The following STAM2 variants were observed in gnomAD, a reference collection of about 807,000 sequenced individuals.
The protein encoded by STAM2 is signal transducing adaptor molecule 2.
A neutral mutation model predicts 65.6 loss-of-function variants in STAM2; 51 were observed. The observed-to-expected ratio is 0.78, with a 90% confidence interval of 0.62 to 0.98. The LOEUF (loss-of-function observed/expected upper bound fraction) is 0.98. Among genes scored for constraint, STAM2 ranks in the 50% least tolerant of loss-of-function variants. STAM2 has a pLI of 0.00. For synonymous variants in STAM2, 198 were observed against 208.4 expected, an observed-to-expected ratio of 0.95 and a Z score of 0.43; for missense variants, 584 against 617.8, an observed-to-expected ratio of 0.95 and a Z score of 0.58.
chr2:152,134,648 C>T (rs933278290), intron 8 of STAM2, among the ~76,000 whole-genome samples: 1 of 152,176 alleles, frequency 6.6e-6, no homozygotes, highest in African/African-American at 2.4e-5. Context: ...AGAATCCTGG[C>T]TCAATCACTT....
chr2:152,133,075 AC>A, intron 10 of STAM2, 97 bp downstream of exon 10: 1 of 486,216 alleles, frequency 2.1e-6, no homozygotes, highest in Non-Finnish European at 3.1e-6. Flanking sequence ...GAGATTTCTA[AC>A]CTCTAGAGGC....
At position 152,138,890 on chromosome 2, in the gene STAM2, G is replaced by A. The variant is rs146265511; in HGVS notation, c.705-3287C>T. On this transcript the variant is annotated intron_variant, in intron 7 of 13. Transcript: ENST00000263904. ...ACCCAAACCTGTGAAATGGATGCAA[G>A]CGTTTTATATGAACCTACCAACAAC... 3.6e-3 allele frequency among the ~76,000 whole-genome samples: 552 copies of A among 152,286 alleles called. 4 individuals are homozygous for A. Among genetic ancestry groups the A allele is most frequent in the Middle Eastern group, 6.8e-3 (2 of 294 alleles).
intron 12 of STAM2, among the ~76,000 whole-genome samples, chr2:152,125,393 C>T (rs548298008): frequency 6.6e-6 from 1 of 152,304 alleles, no homozygotes; most frequent in African/African-American, 2.4e-5. Flanking sequence ...CACCCACATT[C>T]TACCCTTTCT....
chr2:152,148,015 A>C lies in STAM2; in HGVS notation c.300+9T>G. On this transcript the variant is annotated intron_variant, in intron 4 of 13. Transcript: ENST00000263904. ...AATGACTTAAAGTTCTTCTGTTTTT[A>C]AAATTTACCTTATTTTTAATCACAG... 6.3e-7 allele frequency: 1 copy of C among 1,591,778 alleles called. No homozygotes were observed. The highest frequency in any genetic ancestry group is 8.6e-7 in the Non-Finnish European group (1 of 1,168,022).
intron 1 of STAM2, among the ~76,000 whole-genome samples, chr2:152,159,822 C>G (rs1689626831): frequency 6.6e-6 from 1 of 152,244 alleles, no homozygotes; most frequent in Non-Finnish European, 1.5e-5. Context: ...TCACTGCAAC[C>G]TCCCTGCCTC....
chr2:152,125,938 C>T (rs879522223), intron 12 of STAM2: 2 of 227,976 alleles, frequency 8.8e-6, no homozygotes, highest in Non-Finnish European at 1.7e-5. Context: ...AAGATTTATG[C>T]TTTATACTTA....
rs753061712 is a variant in STAM2 at position 152,117,846 on chromosome 2, G to A, written c.*2728C>T. ...CAAAACATACAGTAAAATGTATTAC[G>A]TAGACAAGTATCAATTATTTCAAAC... On this transcript the variant is annotated 3_prime_UTR_variant, in exon 14 of 14. Transcript: ENST00000263904. The A allele has an allele frequency of 3.5e-4, 53 of 152,106 alleles. No homozygotes were observed. The highest frequency in any genetic ancestry group is 1.1e-3 in the African/African-American group (45 of 41,510). 9.4% of individuals were successfully genotyped at this position (152,106 alleles called of 1,614,324 possible).
At chr2:152,153,885 T>C (rs7420568) in intron 1 of STAM2, among the ~76,000 whole-genome samples, 37 of 144,956 alleles carry the variant, frequency 2.6e-4, no homozygotes, top group African/African-American at 4.1e-4. Flanking sequence ...AGACATTACA[T>C]ACACACACAC....
chr2:152,117,695 ACTCAGGGGC>A lies in STAM2; in HGVS notation c.*2870_*2878del, dbSNP rs1688773644. 2 of 152,146 alleles carry A rather than the reference ACTCAGGGGC, an allele frequency of 1.3e-5. No individual in the cohort carries two copies. 9.4% of individuals were successfully genotyped at this position (152,146 alleles called of 1,614,324 possible). ...GCAATTCAATAAGCCCTCTCCTAGA[ACTCAGGGGC>A]TTTTAAATTTATGTTTTTACTAAGA... is the stretch of plus-strand genomic sequence containing the variant. On this transcript the variant is annotated 3_prime_UTR_variant, in exon 14 of 14. Coordinates refer to ENST00000263904, the MANE Select transcript of STAM2 (RefSeq NM_005843.6).
At chr2:152,141,317 C>A (rs542806253) in intron 7 of STAM2, among the ~76,000 whole-genome samples, 380 of 152,046 alleles carry the variant, frequency 2.5e-3, no homozygotes, top group Non-Finnish European at 4.5e-3. Flanking sequence ...GGGCAGATTA[C>A]CTGAGGTCAG....
intron 1 of STAM2, among the ~76,000 whole-genome samples, chr2:152,150,543 C>T (rs1689424153): frequency 6.6e-6 from 1 of 152,224 alleles, no homozygotes. Flanking sequence ...TGGCTCATGC[C>T]TGTAATCCCA....
intron 1 of STAM2, among the ~76,000 whole-genome samples, chr2:152,173,628 C>G (rs977405872): frequency 3.9e-5 from 6 of 152,032 alleles, no homozygotes; most frequent in African/African-American, 1.4e-4. Flanking sequence ...AACTCCCGAC[C>G]TCCAGTGATT....
chr2:152,151,269 C>G (rs1317923096), intron 1 of STAM2, among the ~76,000 whole-genome samples: 1 of 151,526 alleles, frequency 6.6e-6, no homozygotes, highest in African/African-American at 2.4e-5. Context: ...GCAACCTCCA[C>G]CTCCCAGGTT....
intron 7 of STAM2, among the ~76,000 whole-genome samples, chr2:152,142,684 GC>G (rs1486347226): frequency 6.6e-6 from 1 of 152,102 alleles, no homozygotes; most frequent in African/African-American, 2.4e-5. Context: ...AGATGATTTT[GC>G]CCAACTGTAG....
chr2:152,132,400 A>C (rs770885399), intron 10 of STAM2, among the ~76,000 whole-genome samples: 1 of 152,230 alleles, frequency 6.6e-6, no homozygotes, highest in Non-Finnish European at 1.5e-5. Context: ...GAAACTATTA[A>C]CTAAGTTGAC....
Position 152,119,827 on chromosome 2 carries a change from T to C in STAM2, c.*747A>G, listed in dbSNP as rs1407452742. 6.6e-6 allele frequency: 1 copy of C among 152,234 alleles called. No individual in the cohort carries two copies. The highest frequency in any genetic ancestry group is 1.5e-5 in the Non-Finnish European group (1 of 68,034). The allele number at this position is 152,234 out of a possible 1,614,324, so 9.4% of individuals were successfully genotyped here. On this transcript the variant is annotated 3_prime_UTR_variant, in exon 14 of 14. Coordinates refer to ENST00000263904, the MANE Select transcript of STAM2 (RefSeq NM_005843.6). ...ATGACTGTTTGGGGGACTGACTAAATGCTTTATCACACATCTGCATTTACA... is the reference window on the plus strand; with the variant it reads ...ATGACTGTTTGGGGGACTGACTAAACGCTTTATCACACATCTGCATTTACA...
intron 1 of STAM2, among the ~76,000 whole-genome samples, chr2:152,173,361 C>CACATATATATACATATATGTAT (rs1689933496): frequency 4.2e-5 from 6 of 142,696 alleles, no homozygotes; most frequent in Non-Finnish European, 9.0e-5. Context: ...CGTATATACA[C>CACATATATATACATATATGTAT]ACATATATAT....
chr2:152,136,300 G>A (rs565596569), intron 7 of STAM2, among the ~76,000 whole-genome samples: 9 of 151,390 alleles, frequency 5.9e-5, no homozygotes, highest in South Asian at 2.1e-4. Context: ...AAAATTAGCC[G>A]GGTGTGGTGG....
At chr2:152,141,581 T>G (rs112705312) in intron 7 of STAM2, among the ~76,000 whole-genome samples, 7,578 of 151,370 alleles carry the variant, frequency 0.05, 551 homozygotes, top group African/African-American at 0.16. Context: ...CTCAATGTTT[T>G]TTTGTTTGTT....
Sources: allele counts gnomAD v4.1 joint callset (sites outside exome capture counted in the v4.1 genomes callset), GRCh38; gene constraint gnomAD v4.1.1; transcripts MANE v1.5; gene names NCBI Gene and HGNC (gene_info 2026-07-23, HGNC 2026-07-21).